KCTD16: variants seen among roughly 807,000 people sequenced by gnomAD.
KCTD16 encodes the protein BTB/POZ domain-containing protein KCTD16.
A neutral mutation model predicts 33.2 loss-of-function variants in KCTD16; 13 were observed. The ratio of observed to expected loss-of-function variants is 0.39; its 90% CI spans 0.25 to 0.62. The LOEUF (loss-of-function observed/expected upper bound fraction) is 0.62, where lower values mean the gene tolerates loss of function less well. Ranked by LOEUF, KCTD16 falls within the 20% of genes least tolerant of loss-of-function variation. The probability of loss-of-function intolerance (pLI) is 0.50; values close to 1 mark genes in which losing one functional copy is unlikely to be tolerated. For missense variants in KCTD16, 441 were observed against 525.1 expected (o/e 0.84, Z 1.57); for synonymous variants, 197 against 195.3 (o/e 1.01, Z -0.07).
At chr5:144,187,467 CAG>C (rs1439462958) in intron 2 of KCTD16, among the ~76,000 whole-genome samples, 3 of 152,010 alleles carry the variant, frequency 2.0e-5, no homozygotes, top group South Asian at 2.1e-4. Context: ...CACATACACA[CAG>C]GGGGCAAGAG....
intron 3 of KCTD16, among the ~76,000 whole-genome samples, chr5:144,302,319 AAG>A (rs1751463889): frequency 2.0e-5 from 3 of 152,222 alleles, no homozygotes; most frequent in Admixed American, 2.0e-4. Context: ...CAAAAGGAGA[AAG>A]AGAAATAAGT....
intron 3 of KCTD16, among the ~76,000 whole-genome samples, chr5:144,340,765 C>T (rs1173336418): frequency 6.6e-6 from 1 of 152,036 alleles, no homozygotes; most frequent in Non-Finnish European, 1.5e-5. Context: ...AGAACTGAAT[C>T]TGCACCAGGT....
At chr5:144,381,903 C>A (rs1291441733) in intron 3 of KCTD16, among the ~76,000 whole-genome samples, 1 of 152,158 alleles carries the variant, frequency 6.6e-6, no homozygotes, top group Non-Finnish European at 1.5e-5. Flanking sequence ...ATAAATAATT[C>A]TTCTAAGAAG....
At chr5:144,235,982 A>G (rs1245091860) in intron 3 of KCTD16, among the ~76,000 whole-genome samples, 1 of 152,118 alleles carries the variant, frequency 6.6e-6, no homozygotes, top group Non-Finnish European at 1.5e-5. Flanking sequence ...CGTAAGGGTC[A>G]TTGTCAGTGT....
intron 3 of KCTD16, among the ~76,000 whole-genome samples, chr5:144,297,822 C>T (rs1011516070): frequency 6.6e-6 from 1 of 152,204 alleles, no homozygotes; most frequent in Non-Finnish European, 1.5e-5. Flanking sequence ...GGCAGGCATT[C>T]GAGCCGGCAA....
At chr5:144,376,214 G>A (rs141323364) in intron 3 of KCTD16, among the ~76,000 whole-genome samples, 8 of 150,630 alleles carry the variant, frequency 5.3e-5, no homozygotes, top group African/African-American at 1.2e-4. Flanking sequence ...TTTTCTTTTC[G>A]TTTATGATTT....
At chr5:144,202,001 T>C (rs1753053539) in intron 2 of KCTD16, among the ~76,000 whole-genome samples, 1 of 152,220 alleles carries the variant, frequency 6.6e-6, no homozygotes, top group Non-Finnish European at 1.5e-5. Context: ...GAATATACCC[T>C]TCAATATTTG....
At chr5:144,223,035 C>T (rs887595807) in intron 3 of KCTD16, among the ~76,000 whole-genome samples, 18 of 152,186 alleles carry the variant, frequency 1.2e-4, no homozygotes, top group Non-Finnish European at 2.1e-4. Flanking sequence ...AGCAAACTAT[C>T]GCAAGGACAA....
intron 3 of KCTD16, among the ~76,000 whole-genome samples, chr5:144,214,210 C>T (rs1369539160): frequency 1.3e-5 from 2 of 152,128 alleles, no homozygotes; most frequent in Non-Finnish European, 2.9e-5. Flanking sequence ...TGGTTCTTCT[C>T]CTTCATCTCC....
At position 144,336,204 on chromosome 5, in the gene KCTD16, A is replaced by G. The variant is rs376059675; in HGVS notation, c.832+128658A>G. Among the ~76,000 whole-genome samples the G allele has an allele frequency of 1.6e-4, 25 of 152,346 alleles. No individual in the cohort carries two copies. In the East Asian group the frequency reaches 1.7e-3, roughly 11 times the overall value. On this transcript the variant is annotated intron_variant, in intron 3 of 3. Coordinates refer to ENST00000512467, the MANE Select transcript of KCTD16 (RefSeq NM_020768.4). ...TTCTAATTCATTTTCCCCTTTGCCA[A>G]TGCTGAAGGAGCTGGGATGCCAATA...
intron 3 of KCTD16, among the ~76,000 whole-genome samples, chr5:144,378,703 A>G (rs1486913271): frequency 6.6e-6 from 1 of 152,200 alleles, no homozygotes; most frequent in Non-Finnish European, 1.5e-5. Flanking sequence ...CATCAATGGC[A>G]GGTTAACTTC....
intron 3 of KCTD16, among the ~76,000 whole-genome samples, chr5:144,405,268 G>A (rs913604587): frequency 3.3e-5 from 5 of 152,144 alleles, no homozygotes; most frequent in African/African-American, 1.2e-4. Context: ...GTAAATTCTA[G>A]TATGAAAATT....
chr5:144,304,310 A>G (rs1751530172), intron 3 of KCTD16, among the ~76,000 whole-genome samples: 1 of 152,158 alleles, frequency 6.6e-6, no homozygotes, highest in South Asian at 2.1e-4. Context: ...AGCACATGTG[A>G]CATAGCAGCA....
chr5:144,465,779 C>CTTTTTTTTTTTTTTTT (rs780109122), intron 3 of KCTD16, among the ~76,000 whole-genome samples: 3 of 129,878 alleles, frequency 2.3e-5, no homozygotes, highest in African/African-American at 2.9e-5. Flanking sequence ...CCAAATTTAA[C>CTTTTTTTTTTTTTTTT]TTTTTTGTTT....
chr5:144,428,399 G>C (rs995768420), intron 3 of KCTD16, among the ~76,000 whole-genome samples: 9 of 152,008 alleles, frequency 5.9e-5, no homozygotes, highest in Non-Finnish European at 1.3e-4. Context: ...ATTTAGACAG[G>C]GGAATTTTCT....
intron 3 of KCTD16, among the ~76,000 whole-genome samples, chr5:144,258,647 C>T (rs937740916): frequency 2.6e-5 from 4 of 152,180 alleles, no homozygotes; most frequent in Admixed American, 2.0e-4. Context: ...TCATTGGGTT[C>T]TTCATTCACT....
chr5:144,478,911 G>A lies in KCTD16; in HGVS notation c.*4797G>A, dbSNP rs1754648512. The A allele has an allele frequency of 6.6e-6, 1 of 151,216 alleles. No homozygotes were observed. Among genetic ancestry groups the A allele is most frequent in the Non-Finnish European group, 1.5e-5 (1 of 67,390 alleles). The allele number at this position is 151,216 out of a possible 1,614,324, so 9.4% of individuals were successfully genotyped here. A position where few individuals can be genotyped will look rare whatever the true frequency, so the allele number is the denominator to read the frequency against. ...CCATAACCCTTTCTCCATATTGTGT[G>A]TGTATGTGTATGTGTATGTGTATGG... On this transcript the variant is annotated 3_prime_UTR_variant, in exon 4 of 4. Transcript: ENST00000512467.
At position 144,188,551 on chromosome 5, in the gene KCTD16, A is replaced by G. The variant is rs77334759; in HGVS notation, c.-327+14079A>G. On this transcript the variant is annotated intron_variant, in intron 2 of 3. Coordinates refer to ENST00000512467, the MANE Select transcript of KCTD16 (RefSeq NM_020768.4). ...TCAACCTCTGGCAAATTTGTCATTG[A>G]GCAGCATCAGTAAAAAGGTGGAAGA... Among the ~76,000 whole-genome samples the G allele has an allele frequency of 1.9e-3, 292 of 152,348 alleles. 1 individual carries two copies. Among genetic ancestry groups the G allele is most frequent in the African/African-American group, 6.7e-3 (279 of 41,574 alleles).
At chr5:144,312,139 C>G (rs1751782243) in intron 3 of KCTD16, among the ~76,000 whole-genome samples, 1 of 152,148 alleles carries the variant, frequency 6.6e-6, no homozygotes. Context: ...AGAATAAAGA[C>G]TGCTCCGAAT....
Sources: allele counts gnomAD v4.1 joint callset (sites outside exome capture counted in the v4.1 genomes callset), GRCh38; gene constraint gnomAD v4.1.1; transcripts MANE v1.5; gene names NCBI Gene and HGNC (gene_info 2026-07-23, HGNC 2026-07-21).